Variants in PRDM2 observed in about 807,000 individuals in gnomAD.
PRDM2 encodes the protein PR/SET domain 2.
A neutral mutation model predicts 130.0 loss-of-function variants in PRDM2; 30 were observed. The observed-to-expected ratio is 0.23, with a 90% confidence interval of 0.17 to 0.31. The LOEUF (loss-of-function observed/expected upper bound fraction) is 0.31. PRDM2 is among the 10% of genes least tolerant of loss of function. The pLI is 1.00. For synonymous variants in PRDM2, 871 were observed against 782.4 expected (o/e 1.11, Z -1.89); for missense variants, 2,011 against 2,108.4 (o/e 0.95, Z 0.90).
At chr1:13,797,862 C>CT (rs1180700421) in intron 8 of PRDM2, among the ~76,000 whole-genome samples, 1 of 152,070 alleles carries the variant, frequency 6.6e-6, no homozygotes, top group African/African-American at 2.4e-5. Flanking sequence ...AGTATTATTA[C>CT]TTTTTTTAAT....
intron 6 of PRDM2, among the ~76,000 whole-genome samples, chr1:13,760,802 A>G (rs994692912): frequency 6.6e-6 from 1 of 152,178 alleles, no homozygotes; most frequent in African/African-American, 2.4e-5. Flanking sequence ...GGTGGGCACC[A>G]GCAAAATACA....
At chr1:13,777,704 G>A (rs894337789) in intron 7 of PRDM2, among the ~76,000 whole-genome samples, 1 of 115,062 alleles carries the variant, frequency 8.7e-6, no homozygotes, top group African/African-American at 3.5e-5. Context: ...TTCTAAGCAA[G>A]TCCTTCCCTG....
At chr1:13,747,790 G>GAAACAAA (rs977720504) in intron 5 of PRDM2, among the ~76,000 whole-genome samples, 3 of 123,196 alleles carry the variant, frequency 2.4e-5, no homozygotes, top group Admixed American at 8.0e-5. Flanking sequence ...AAAAAAAAAA[G>GAAACAAA]AAACAAAAAA....
intron 8 of PRDM2, among the ~76,000 whole-genome samples, chr1:13,796,491 C>T (rs1644924421): frequency 6.6e-6 from 1 of 152,314 alleles, no homozygotes; most frequent in African/African-American, 2.4e-5. Context: ...TGCGGTGGCT[C>T]ACACCTGTAA....
At chr1:13,756,075 C>A (rs754571144) in intron 6 of PRDM2, among the ~76,000 whole-genome samples, 14 of 150,378 alleles carry the variant, frequency 9.3e-5, no homozygotes, top group African/African-American at 3.2e-4. Flanking sequence ...CATGGTGAAA[C>A]CCTGTCTCTT....
At chr1:13,776,705 C>G (rs1280638143) in intron 7 of PRDM2, among the ~76,000 whole-genome samples, 1 of 152,244 alleles carries the variant, frequency 6.6e-6, no homozygotes, top group East Asian at 1.9e-4. Flanking sequence ...TCCAACCCAT[C>G]AGGAGTTCTG....
At position 13,717,485 on chromosome 1, in the gene PRDM2, G is replaced by A. The variant is rs1023709610; in HGVS notation, c.9+1871G>A. The A allele has an allele frequency of 7.4e-6, 7 of 944,332 alleles. No individual in the cohort carries two copies. In the African/African-American group the frequency reaches 1.1e-4, roughly 14 times the overall value. The allele number at this position is 944,332 out of a possible 1,614,324, so 58.5% of individuals were successfully genotyped here. A position where few individuals can be genotyped will look rare whatever the true frequency, so the allele number is the denominator to read the frequency against. On this transcript the variant is annotated intron_variant, in intron 2 of 9. Coordinates refer to ENST00000311066, the MANE Select transcript of PRDM2 (RefSeq NM_001393986.1). ...ATTGTTCTTGTTGCATCGCTGTTCAGAAATCATTTATTTGATATGTCTACA... is the reference window on the plus strand; with the variant it reads ...ATTGTTCTTGTTGCATCGCTGTTCAAAAATCATTTATTTGATATGTCTACA...
intron 7 of PRDM2, 36 bp from the exon 8 acceptor site, chr1:13,778,382 T>G: frequency 6.5e-7 from 1 of 1,542,524 alleles, no homozygotes; most frequent in South Asian, 1.3e-5. Flanking sequence ...TTTCCCATGC[T>G]TCACTTCCAT....
At chr1:13,766,877 A>G (rs1365941591) in intron 6 of PRDM2, among the ~76,000 whole-genome samples, 2 of 152,232 alleles carry the variant, frequency 1.3e-5, no homozygotes, top group Non-Finnish European at 1.5e-5. Context: ...AACTTGAGCA[A>G]GGCTCCCAGA....
At chr1:13,774,238 G>C (rs1297369380) in intron 7 of PRDM2, among the ~76,000 whole-genome samples, 2 of 152,238 alleles carry the variant, frequency 1.3e-5, no homozygotes, top group Non-Finnish European at 2.9e-5. Context: ...TATTGATACA[G>C]AAGGGAAGGA....
chr1:13,718,263 G>A (rs1166832814), intron 2 of PRDM2, among the ~76,000 whole-genome samples: 1 of 152,164 alleles, frequency 6.6e-6, no homozygotes, highest in East Asian at 1.9e-4. Flanking sequence ...TTGCTTTGAT[G>A]GGTTTTAATT....
chr1:13,753,752 T>A (rs1427860914), intron 6 of PRDM2, among the ~76,000 whole-genome samples: 1 of 151,334 alleles, frequency 6.6e-6, no homozygotes, highest in Non-Finnish European at 1.5e-5. Context: ...GTAGAAAGAG[T>A]GGCAGGATGG....
chr1:13,795,991 G>C (rs565847648), intron 8 of PRDM2, among the ~76,000 whole-genome samples: 18 of 152,286 alleles, frequency 1.2e-4, no homozygotes, highest in Non-Finnish European at 2.1e-4. Flanking sequence ...TGTCTGCCTT[G>C]TATGCAGGAA....
chr1:13,781,895 A>G lies in PRDM2; in HGVS notation c.4100A>G (p.Lys1367Arg), dbSNP rs1202488210. Residue 1367 changes from lysine to arginine, a missense_variant, in exon 8 of 10, where the codon AAG becomes AGG. Lys to Arg is a conservative substitution (Grantham distance 26, BLOSUM62 2). Transcript: ENST00000311066. This position sits in a 1 kb window ranked among gnomAD's most constrained non-coding sequence, Gnocchi z 6.1. ...AGTGACAAGAAGAGGTACACGCCTA[A>G]GAAAAACCCAGTACCATTAAAACAA... ...SASDKKRYTP[K>R]KNPVPLKQTV... is the part of the protein sequence containing the mutation. The G allele has an allele frequency of 6.2e-7, 1 of 1,614,102 alleles. No homozygotes were observed. Among genetic ancestry groups the G allele is most frequent in the African/African-American group, 1.3e-5 (1 of 74,926 alleles).
Position 13,779,388 on chromosome 1 carries a change from C to G in PRDM2, c.1593C>G (p.Ala531=), listed in dbSNP as rs1183674938. ...AGCCCCAGCCTCCAGCAGAACAGGC[C>G]CAGGCCACCCAGAACGTGTATGTAC... ...LEEPQPPAEQ[A]QATQNVYVPS... Residue 531 remains alanine (A), a synonymous_variant, in exon 8 of 10, where the codon GCC becomes GCG. Coordinates refer to ENST00000311066, the MANE Select transcript of PRDM2 (RefSeq NM_001393986.1). This position sits in a 1 kb window ranked among gnomAD's most constrained non-coding sequence, Gnocchi z 4.9. 1 of 1,614,018 alleles carries G rather than the reference C, an allele frequency of 6.2e-7. No individual in the cohort carries two copies. The highest frequency in any genetic ancestry group is 8.5e-7 in the Non-Finnish European group (1 of 1,180,008).
chr1:13,795,241 T>A (rs532591109), intron 8 of PRDM2, among the ~76,000 whole-genome samples: 153 of 152,354 alleles, frequency 1.0e-3, no homozygotes, highest in Middle Eastern at 6.8e-3. Flanking sequence ...TCACCGATAA[T>A]GCTTGCTGGC....
intron 2 of PRDM2, among the ~76,000 whole-genome samples, chr1:13,726,764 GTCAAATAATGAGTC>G (rs1411729303): frequency 1.3e-5 from 2 of 152,168 alleles, no homozygotes; most frequent in African/African-American, 4.8e-5. Flanking sequence ...TCATTAAGCA[GTCAAATAATGAGTC>G]CTCATTGAGG....
rs756353163 is a variant in PRDM2 at position 13,779,015 on chromosome 1, G to A, written c.1220G>A (p.Arg407Gln). The change falls in exon 8 of 10, where the codon CGA (arginine) becomes CAA (glutamine). Residue 407 changes from arginine (R) to glutamine (Q), a missense_variant. Transcript: ENST00000311066. The surrounding 1 kb of genome is among the most constrained non-coding windows in gnomAD (Gnocchi z 4.9). The part of the protein sequence containing the change: ...KAFGTQINRR[R>Q]HERRHEAGLK... ...TTTGGCACACAGATTAACCGGCGGC[G>A]ACATGAGCGGCGCCATGAAGCAGGG... 6 of 1,614,034 alleles carry A rather than the reference G, an allele frequency of 3.7e-6. No homozygotes were observed. Among genetic ancestry groups the A allele is most frequent in the Non-Finnish European group, 4.2e-6 (5 of 1,180,022 alleles).
intron 8 of PRDM2, chr1:13,786,621 CAAGCTTGCAAGACCAGTTG>C: frequency 6.3e-7 from 1 of 1,582,358 alleles, no homozygotes; most frequent in Non-Finnish European, 8.5e-7. Context: ...CGAAATCTAC[CAAGCTTGCAAGACCAGTTG>C]AAGCTGACTC....
Sources: gnomAD v4.1 joint callset for allele counts (sites outside exome capture counted in the v4.1 genomes callset) on GRCh38, gnomAD v4.1.1 for gene constraint, Gnocchi (gnomAD v3.1) non-coding constraint, MANE v1.5 for transcripts, NCBI Gene and HGNC (gene_info 2026-07-23, HGNC 2026-07-21) for gene names.